Variants in SGCZ observed in about 807,000 individuals in gnomAD.
SGCZ encodes the protein sarcoglycan zeta.
In SGCZ, 40 loss-of-function variants were observed where a neutral mutation model predicts 41.3. That is an observed-to-expected ratio of 0.97 (90% CI 0.75 to 1.26). The LOEUF is 1.26. Among genes scored for constraint, SGCZ ranks in the 50% most tolerant of loss-of-function variants. The pLI, the probability that SGCZ is intolerant of heterozygous loss-of-function variation, is 0.00. For missense variants in SGCZ, 552 were observed against 369.8 expected (o/e 1.49, Z -4.04); for synonymous variants, 206 against 137.5 (o/e 1.50, Z -3.49).
At chr8:14,740,223 T>C (rs1408752129) in intron 1 of SGCZ, among the ~76,000 whole-genome samples, 3 of 152,082 alleles carry the variant, frequency 2.0e-5, no homozygotes, top group African/African-American at 7.2e-5. Flanking sequence ...AAATCAAATA[T>C]CTGAGTATAT....
At chr8:15,122,569 G>C (rs1317267513) in intron 1 of SGCZ, among the ~76,000 whole-genome samples, 2 of 152,068 alleles carry the variant, frequency 1.3e-5, no homozygotes, top group South Asian at 2.1e-4. Context: ...CCAATGTCTA[G>C]ACCAAGAAGA....
intron 1 of SGCZ, among the ~76,000 whole-genome samples, chr8:14,698,512 A>G (rs1165779385): frequency 6.6e-6 from 1 of 151,980 alleles, no homozygotes; most frequent in Admixed American, 6.6e-5. Context: ...TTCTAAATAC[A>G]ATCCAAATTT....
At chr8:15,030,821 G>C (rs1021674005) in intron 1 of SGCZ, among the ~76,000 whole-genome samples, 13 of 152,102 alleles carry the variant, frequency 8.5e-5, no homozygotes, top group Admixed American at 2.0e-4. Flanking sequence ...GTGAAGCAGG[G>C]CTTCCCAGAA....
chr8:15,157,818 A>G (rs1382409401), intron 1 of SGCZ, among the ~76,000 whole-genome samples: 2 of 152,164 alleles, frequency 1.3e-5, no homozygotes, highest in South Asian at 2.1e-4. Flanking sequence ...ATGGCATTCA[A>G]TCTATTCCCC....
intron 1 of SGCZ, among the ~76,000 whole-genome samples, chr8:14,778,916 T>A (rs1429285969): frequency 6.6e-6 from 1 of 152,150 alleles, no homozygotes; most frequent in African/African-American, 2.4e-5. Flanking sequence ...ATTAGGAATA[T>A]CTTATAACAT....
chr8:14,757,783 T>G (rs1457292365), intron 1 of SGCZ, among the ~76,000 whole-genome samples: 1 of 152,226 alleles, frequency 6.6e-6, no homozygotes, highest in Non-Finnish European at 1.5e-5. Context: ...GATGACAGAT[T>G]TGATTTTACT....
chr8:14,232,580 C>CA (rs1806610245), intron 4 of SGCZ, among the ~76,000 whole-genome samples: 1 of 151,610 alleles, frequency 6.6e-6, no homozygotes, highest in Admixed American at 6.6e-5. Flanking sequence ...TTGGTTATGC[C>CA]ACTGATTTTG....
intron 1 of SGCZ, among the ~76,000 whole-genome samples, chr8:14,693,903 T>C (rs1039152178): frequency 1.3e-5 from 2 of 152,098 alleles, no homozygotes; most frequent in Admixed American, 6.5e-5. Context: ...TGAGGGCATT[T>C]TAAACAGCAA....
chr8:14,556,354 A>T (rs1442217423), intron 1 of SGCZ, among the ~76,000 whole-genome samples: 1 of 151,702 alleles, frequency 6.6e-6, no homozygotes, highest in African/African-American at 2.4e-5. Context: ...TAATTAAATT[A>T]TATGTTAAGT....
intron 2 of SGCZ, among the ~76,000 whole-genome samples, chr8:14,540,713 G>A (rs945014897): frequency 6.6e-6 from 1 of 151,576 alleles, no homozygotes; most frequent in Admixed American, 6.6e-5. Flanking sequence ...ATTTTATATT[G>A]AGGATAGTAG....
intron 1 of SGCZ, among the ~76,000 whole-genome samples, chr8:14,734,096 G>GT (rs1798956145): frequency 1.3e-5 from 2 of 152,118 alleles, no homozygotes; most frequent in African/African-American, 4.8e-5. Flanking sequence ...AATCATGGAC[G>GT]CTGTTAAGAT....
At chr8:14,817,182 G>A (rs2130556095) in intron 1 of SGCZ, among the ~76,000 whole-genome samples, 1 of 152,260 alleles carries the variant, frequency 6.6e-6, no homozygotes, top group Admixed American at 6.5e-5. Flanking sequence ...CTCCTTCTGT[G>A]TGTCACAGAA....
chr8:14,482,550 C>A (rs73188296), intron 2 of SGCZ, among the ~76,000 whole-genome samples: 5 of 151,974 alleles, frequency 3.3e-5, no homozygotes, highest in Non-Finnish European at 7.4e-5. Context: ...TTGATTAAGA[C>A]GGGTGTGGTG....
Position 14,090,653 on chromosome 8 carries a change from A to T in SGCZ, c.745-16T>A, listed in dbSNP as rs773273810. ...TTAAAAATATCTATGGGAAAAAAGA[A>T]ATTGCATTTTAATTCATTTTAGAAA... On this transcript the variant is annotated splice_polypyrimidine_tract_variant and intron_variant, in intron 7 of 7. Coordinates refer to ENST00000382080, the MANE Select transcript of SGCZ (RefSeq NM_139167.4). 26 of 1,604,262 alleles carry T rather than the reference A, an allele frequency of 1.6e-5. No homozygotes were observed. Among genetic ancestry groups the T allele is most frequent in the Non-Finnish European group, 2.1e-5 (25 of 1,176,206 alleles).
intron 2 of SGCZ, among the ~76,000 whole-genome samples, chr8:14,511,062 C>A (rs941857530): frequency 6.6e-6 from 1 of 151,826 alleles, no homozygotes; most frequent in African/African-American, 2.4e-5. Context: ...CAGATGGTTA[C>A]CCAAATCACT....
intron 2 of SGCZ, among the ~76,000 whole-genome samples, chr8:14,504,001 G>A (rs1802231489): frequency 6.6e-6 from 1 of 152,114 alleles, no homozygotes; most frequent in South Asian, 2.1e-4. Context: ...CATCTTATGA[G>A]TTATTTTAAG....
At chr8:14,597,651 AT>A (rs1300512819) in intron 1 of SGCZ, among the ~76,000 whole-genome samples, 4 of 151,886 alleles carry the variant, frequency 2.6e-5, no homozygotes, top group African/African-American at 9.7e-5. Context: ...CTAATTTTGT[AT>A]TTTTAGTAGT....
At chr8:14,716,075 C>G (rs1809680067) in intron 1 of SGCZ, among the ~76,000 whole-genome samples, 1 of 151,896 alleles carries the variant, frequency 6.6e-6, no homozygotes, top group Non-Finnish European at 1.5e-5. Flanking sequence ...TACCAGATAG[C>G]AAAACTTAAA....
intron 1 of SGCZ, among the ~76,000 whole-genome samples, chr8:15,123,257 G>C (rs954350292): frequency 6.6e-6 from 1 of 152,096 alleles, no homozygotes; most frequent in Non-Finnish European, 1.5e-5. Context: ...CCATTCTTCA[G>C]TTCTTTTTCC....
Sources: gnomAD v4.1 joint callset for allele counts (sites outside exome capture counted in the v4.1 genomes callset) on GRCh38, gnomAD v4.1.1 for gene constraint, MANE v1.5 for transcripts, NCBI Gene and HGNC (gene_info 2026-07-23, HGNC 2026-07-21) for gene names.